The following OVCH1 variants were observed in gnomAD, a reference collection of about 807,000 sequenced individuals.
OVCH1 encodes the protein ovochymase-1.
A neutral mutation model predicts 138.4 loss-of-function variants in OVCH1; 139 were observed. The ratio of observed to expected loss-of-function variants is 1.00; its 90% CI spans 0.87 to 1.16. The LOEUF is 1.16. Ranked by LOEUF, OVCH1 falls within the 50% of genes most tolerant of loss-of-function variation. The pLI is 0.00. For synonymous variants in OVCH1, 453 were observed against 467.8 expected, an observed-to-expected ratio of 0.97 and a Z score of 0.41; for missense variants, 1,367 against 1,357.9, an observed-to-expected ratio of 1.01 and a Z score of -0.11.
At chr12:29,496,735 A>C in intron 1 of OVCH1, 61 bp from the exon 2 acceptor site, 2 of 1,299,876 alleles carry the variant, frequency 1.5e-6, no homozygotes, top group Non-Finnish European at 2.2e-6. Context: ...TCACTTTACC[A>C]AGATTTCCCA....
chr12:29,459,645 T>G (rs542134923), intron 19 of OVCH1, among the ~76,000 whole-genome samples: 1 of 152,016 alleles, frequency 6.6e-6, no homozygotes, highest in African/African-American at 2.4e-5. Flanking sequence ...TTGGATTGTT[T>G]GTAACACAAA....
exon 13 of OVCH1, chr12:29,476,250 T>C: frequency 6.2e-7 from 1 of 1,613,680 alleles, no homozygotes; most frequent in Non-Finnish European, 8.5e-7. Context: ...CACAACAGCA[T>C]CATAAATACA....
intron 25 of OVCH1, chr12:29,440,680 C>G (rs1352923961): frequency 6.6e-6 from 3 of 455,086 alleles, no homozygotes; most frequent in African/African-American, 6.0e-5. Context: ...CCACAAGAAG[C>G]TGTGGTCTTC....
intron 25 of OVCH1, among the ~76,000 whole-genome samples, 154 bp from the exon 26 acceptor site, chr12:29,440,898 T>C (rs560333272): frequency 1.3e-5 from 2 of 152,258 alleles, no homozygotes; most frequent in East Asian, 3.9e-4. Context: ...TCTGGGCCCT[T>C]CTTAGGAAGG....
chr12:29,483,570 T>C (rs1943001798), intron 8 of OVCH1, among the ~76,000 whole-genome samples: 1 of 152,194 alleles, frequency 6.6e-6, no homozygotes, highest in Admixed American at 6.5e-5. Flanking sequence ...CTCAAGGTCC[T>C]CTGCAATTAA....
intron 22 of OVCH1, among the ~76,000 whole-genome samples, chr12:29,450,409 G>A (rs1941751159): frequency 6.6e-6 from 1 of 152,054 alleles, no homozygotes; most frequent in South Asian, 2.1e-4. Context: ...ACAAACATTT[G>A]AAAAAAAGCT....
rs1315756717 is a variant in OVCH1, at chr12:29,464,501, G to A, written c.2125+6C>T. On this transcript the variant is annotated splice_donor_region_variant and intron_variant, in intron 18 of 27. Coordinates refer to ENST00000318184, the Ensembl canonical transcript of OVCH1. ...ATTAATGTTTATGCAACAAAAATAT[G>A]CTTACCTGCACTGATGCTTCCCCAT... is the stretch of plus-strand genomic sequence containing the variant. The A allele has an allele frequency of 1.9e-5, 31 of 1,612,316 alleles. No individual in the cohort carries two copies. Among genetic ancestry groups the A allele is most frequent in the Non-Finnish European group, 2.5e-5 (30 of 1,179,178 alleles).
chr12:29,435,699 C>A (rs933820181), intron 26 of OVCH1, among the ~76,000 whole-genome samples: 2 of 152,020 alleles, frequency 1.3e-5, no homozygotes, highest in African/African-American at 2.4e-5. Context: ...TTTCCTTCAA[C>A]CTCCCACTAC....
rs958610211 is a variant in OVCH1 at position 29,420,483 on chromosome 12, C to CT, written c.*71+2643dup. On this transcript the variant is annotated intron_variant and NMD_transcript_variant, in intron 3 of 4. Transcript: ENST00000539117. ...AAAAAGAGCTGGAAGGAAAAAGCAG[C>CT]TTTTTTTTTTTTTTTTTTTTTTTTT... Among the ~76,000 whole-genome samples, 2 of 19,006 alleles carry CT rather than the reference C, an allele frequency of 1.1e-4. 1 individual carries two copies. The highest frequency in any genetic ancestry group is 5.2e-4 in the African/African-American group (2 of 3,874). 12.5% of individuals were successfully genotyped at this position (19,006 alleles called of 152,430 possible).
In OVCH1 at chr12:29,473,460, G is replaced by A. The variant is rs545866701; in HGVS notation, c.1601-357C>T. On this transcript the variant is annotated intron_variant, in intron 14 of 27. Coordinates refer to ENST00000318184, the Ensembl canonical transcript of OVCH1. ...TTACTCTATTTTTATTCATCTACAT[G>A]TAGATGACTTCCAAATTTCTCTCTT... 7.5e-4 allele frequency among the ~76,000 whole-genome samples: 114 copies of A among 152,008 alleles called. 1 individual carries two copies. Among genetic ancestry groups the A allele is most frequent in the African/African-American group, 2.6e-3 (109 of 41,456 alleles).
At chr12:29,495,185 A>G (rs2136098781) in intron 4 of OVCH1, 100 bp downstream of exon 4, 1 of 1,146,200 alleles carries the variant, frequency 8.7e-7, no homozygotes, top group East Asian at 2.4e-5. Flanking sequence ...AAGCTTAGCT[A>G]TTCTATTACT....
chr12:29,433,864 C>G (rs1941312007), intron 26 of OVCH1: 2 of 1,275,360 alleles, frequency 1.6e-6, no homozygotes, highest in Non-Finnish European at 2.1e-6. Context: ...AACTGTATTT[C>G]AATTAACATG....
chr12:29,449,373 G>T (rs2135938413), intron 22 of OVCH1, among the ~76,000 whole-genome samples: 1 of 150,824 alleles, frequency 6.6e-6, no homozygotes, highest in African/African-American at 2.4e-5. Context: ...AAATGTTAAG[G>T]ATTTTTTTTT....
intron 3 of OVCH1, among the ~76,000 whole-genome samples, chr12:29,415,942 A>C (rs1941025137): frequency 6.6e-6 from 1 of 152,152 alleles, no homozygotes; most frequent in Admixed American, 6.5e-5. Flanking sequence ...GAAAGGATAG[A>C]AACATAGCTC....
chr12:29,443,609 A>G, intron 24 of OVCH1, 109 bp from the exon 25 acceptor site: 3 of 1,095,210 alleles, frequency 2.7e-6, no homozygotes, highest in Non-Finnish European at 3.8e-6. Context: ...AGTGAGCCTT[A>G]TTTTTTGTGT....
chr12:29,491,564 C>T (rs922074216), intron 4 of OVCH1, among the ~76,000 whole-genome samples: 1 of 151,992 alleles, frequency 6.6e-6, no homozygotes, highest in Non-Finnish European at 1.5e-5. Flanking sequence ...CTTTAAGATC[C>T]TAGAAATTTA....
exon 2 of OVCH1, chr12:29,496,616 A>G (rs767703170): frequency 1.4e-5 from 23 of 1,613,874 alleles, no homozygotes; most frequent in Non-Finnish European, 1.8e-5. Flanking sequence ...AGAAGAATCT[A>G]GATCCCACGG....
chr12:29,494,958 G>C (rs1335932787), intron 4 of OVCH1, among the ~76,000 whole-genome samples: 1 of 152,112 alleles, frequency 6.6e-6, no homozygotes, highest in Non-Finnish European at 1.5e-5. Flanking sequence ...TAAGGTAATA[G>C]ATATCCTAAT....
intron 12 of OVCH1, 46 bp downstream of exon 12, chr12:29,477,056 C>G: frequency 6.7e-7 from 1 of 1,502,352 alleles, no homozygotes; most frequent in Non-Finnish European, 8.9e-7. Context: ...GCCTAACTAA[C>G]GTAACTCTAT....
Sources: allele counts gnomAD v4.1 joint callset (sites outside exome capture counted in the v4.1 genomes callset), GRCh38; gene constraint gnomAD v4.1.1; transcripts MANE v1.5; gene names NCBI Gene and HGNC (gene_info 2026-07-23, HGNC 2026-07-21).